Variants in LRP2 observed in about 807,000 individuals in gnomAD.
LRP2 encodes the protein low-density lipoprotein receptor-related protein 2.
LRP2 carries 172 observed loss-of-function variants against 531.0 expected under a neutral mutation model. The observed-to-expected ratio is 0.32, with a 90% CI of 0.29 to 0.37. The LOEUF is 0.37. Among genes scored for constraint, LRP2 ranks in the 10% least tolerant of loss-of-function variants. The pLI is 1.00. For missense variants in LRP2, 5,167 were observed against 5,868.3 expected, an observed-to-expected ratio of 0.88 and a Z score of 3.90; for synonymous variants, 1,992 against 2,027.6, an observed-to-expected ratio of 0.98 and a Z score of 0.47.
chr2:169,304,210 A>G (rs1470629354), intron 4 of LRP2, among the ~76,000 whole-genome samples: 3 of 152,200 alleles, frequency 2.0e-5, no homozygotes, highest in African/African-American at 7.2e-5. Flanking sequence ...GGATAAAGAC[A>G]CAGACTTTTG....
In LRP2 at chr2:169,205,561, T is replaced by C. The variant is rs1333175216; in HGVS notation, c.7633A>G (p.Ile2545Val). The C allele has an allele frequency of 6.2e-7, 1 of 1,613,990 alleles. No individual in the cohort carries two copies. The highest frequency in any genetic ancestry group is 2.2e-5 in the East Asian group (1 of 44,886). Residue 2545 changes from isoleucine (I) to valine (V), a missense_variant, in exon 41 of 79, where the codon ATT becomes GTT. Coordinates refer to ENST00000649046, the MANE Select transcript of LRP2 (RefSeq NM_004525.3). ...GGCATGACCAGACTGCTGTTCACAA[T>C]GGGTACGCGGAAGTTTCCTCCCAAT... ...ATLGGNFRVP[I>V]VNSSLVMPSG...
chr2:169,283,027 T>C (rs1289947686), intron 9 of LRP2, 26 bp from the exon 10 acceptor site: 1 of 1,613,086 alleles, frequency 6.2e-7, no homozygotes, highest in East Asian at 2.2e-5. Flanking sequence ...TACACATTTG[T>C]AGTCAAGGTT....
chr2:169,197,068 C>G, intron 45 of LRP2, 38 bp from the exon 46 acceptor site: 1 of 1,611,216 alleles, frequency 6.2e-7, no homozygotes, highest in South Asian at 1.1e-5. Context: ...ATGAGCAAAA[C>G]ACAAGCATGT....
In LRP2 at chr2:169,244,815, G is replaced by A; in HGVS notation, c.3308C>T (p.Thr1103Ile). The A allele has an allele frequency of 2.5e-6, 4 of 1,614,268 alleles. No homozygotes were observed. The highest frequency in any genetic ancestry group is 3.4e-6 in the Non-Finnish European group (4 of 1,180,054). The change falls in exon 22 of 79, where the codon ACC (threonine) becomes ATC (isoleucine). Residue 1103 changes from threonine (T) to isoleucine (I), a missense_variant. Coordinates refer to ENST00000649046, the MANE Select transcript of LRP2 (RefSeq NM_004525.3). ...VDGSDEHNCP[T>I]HAPASCLDTQ... is the part of the protein sequence containing the mutation. ...GTCAAGGCAGGAAGCAGGTGCGTGGGTGGGGCAGTTGTGCTCATCACTGCC... is the reference window on the plus strand; with the variant it reads ...GTCAAGGCAGGAAGCAGGTGCGTGGATGGGGCAGTTGTGCTCATCACTGCC...
At chr2:169,350,406 A>T (rs1168379409) in intron 1 of LRP2, among the ~76,000 whole-genome samples, 1 of 152,132 alleles carries the variant, frequency 6.6e-6, no homozygotes, top group Non-Finnish European at 1.5e-5. Flanking sequence ...CAGCATGTAC[A>T]TGGTAAAGAA....
intron 1 of LRP2, among the ~76,000 whole-genome samples, chr2:169,347,256 C>T (rs1338966568): frequency 6.6e-6 from 1 of 152,174 alleles, no homozygotes; most frequent in Non-Finnish European, 1.5e-5. Context: ...GAAGAACTGA[C>T]TTTAGTAATG....
At chr2:169,156,228 T>C in intron 65 of LRP2, 46 bp downstream of exon 65, 2 of 1,612,580 alleles carry the variant, frequency 1.2e-6, no homozygotes, top group African/African-American at 1.3e-5. Flanking sequence ...CTTAGCAGTA[T>C]TTATTTCCCC....
rs76613733 is a variant in LRP2 at position 169,282,225 on chromosome 2, G to A, written c.1171+648C>T. ...GACACCAAAGACACTTCAAAATCAA[G>A]TGTTAAATAACTATTGGAAAATAGG... On this transcript the variant is annotated intron_variant, in intron 10 of 78. Coordinates refer to ENST00000649046, the MANE Select transcript of LRP2 (RefSeq NM_004525.3). 6.4e-3 allele frequency among the ~76,000 whole-genome samples: 970 copies of A among 152,296 alleles called. 5 individuals are homozygous for A. Among genetic ancestry groups the A allele is most frequent in the Non-Finnish European group, 0.01 (708 of 68,016 alleles).
chr2:169,274,190 A>G (rs1683493752), intron 14 of LRP2, among the ~76,000 whole-genome samples: 1 of 152,166 alleles, frequency 6.6e-6, no homozygotes, highest in Non-Finnish European at 1.5e-5. Context: ...AGTGTAGTTT[A>G]TGTTTCTTTT....
rs780589887 is a variant in LRP2, at chr2:169,178,042, G to A, written c.10170-16C>T. ...ATCAGAGTACCTGCAGCAGTAAGCAGAAACAGTTATGTGATAAAGGTAATT... is the reference window on the plus strand; with the variant it reads ...ATCAGAGTACCTGCAGCAGTAAGCAAAAACAGTTATGTGATAAAGGTAATT... On this transcript the variant is annotated splice_polypyrimidine_tract_variant and intron_variant, in intron 52 of 78. Coordinates refer to ENST00000649046, the MANE Select transcript of LRP2 (RefSeq NM_004525.3). The A allele has an allele frequency of 3.8e-6, 6 of 1,581,876 alleles. No individual in the cohort carries two copies. Among genetic ancestry groups the A allele is most frequent in the Non-Finnish European group, 5.2e-6 (6 of 1,152,634 alleles).
intron 69 of LRP2, 23 bp from the exon 70 acceptor site, chr2:169,145,946 C>T (rs766254900): frequency 1.2e-6 from 2 of 1,612,624 alleles, no homozygotes; most frequent in Non-Finnish European, 1.7e-6. Context: ...AGGGGAAAAA[C>T]AAAACAGAAG....
chr2:169,135,317 T>C (rs1044936296), intron 76 of LRP2, among the ~76,000 whole-genome samples: 2 of 152,134 alleles, frequency 1.3e-5, no homozygotes, highest in African/African-American at 4.8e-5. Context: ...CAAATTGACT[T>C]TACTCACATG....
intron 3 of LRP2, among the ~76,000 whole-genome samples, chr2:169,310,987 A>G (rs188178235): frequency 6.6e-6 from 1 of 152,294 alleles, no homozygotes; most frequent in East Asian, 1.9e-4. Context: ...GTTGATTTGC[A>G]TAGAGGTTTT....
chr2:169,174,809 C>CTTTTTTTT (rs36105004), intron 55 of LRP2, among the ~76,000 whole-genome samples: 1 of 128,544 alleles, frequency 7.8e-6, no homozygotes. Flanking sequence ...TGTGCTCAGT[C>CTTTTTTTT]TTTTTTTTTT....
At chr2:169,287,679 A>G (rs1683894454) in intron 9 of LRP2, among the ~76,000 whole-genome samples, 1 of 151,518 alleles carries the variant, frequency 6.6e-6, no homozygotes. Context: ...AAAAAAAGAA[A>G]GGCTTTTCTG....
intron 16 of LRP2, among the ~76,000 whole-genome samples, chr2:169,270,478 T>C (rs6706290): frequency 0.85 from 128,542 of 151,694 alleles, 55,013 homozygotes; most frequent in East Asian, 0.97. Context: ...AAATTGGAAA[T>C]CATCATTCTC....
At chr2:169,214,561 T>A (rs2052298) in intron 35 of LRP2, among the ~76,000 whole-genome samples, 61,397 of 152,036 alleles carry the variant, frequency 0.4, 12,705 homozygotes, top group South Asian at 0.71. Flanking sequence ...GTGGCTTTAC[T>A]GCCATGGCTG....
intron 1 of LRP2, among the ~76,000 whole-genome samples, chr2:169,352,825 G>A (rs942521476): frequency 6.6e-6 from 1 of 151,600 alleles, no homozygotes; most frequent in Non-Finnish European, 1.5e-5. Flanking sequence ...CACAGGGGGG[G>A]GAACATCACA....
At chr2:169,275,308 A>T in intron 13 of LRP2, 70 bp from the exon 14 acceptor site, 1 of 1,207,026 alleles carries the variant, frequency 8.3e-7, no homozygotes, top group South Asian at 1.3e-5. Context: ...AGCTGTAGTT[A>T]GTTCAATTAA....
Sources: gnomAD v4.1 joint callset for allele counts (sites outside exome capture counted in the v4.1 genomes callset) on GRCh38, gnomAD v4.1.1 for gene constraint, MANE v1.5 for transcripts, NCBI Gene and HGNC (gene_info 2026-07-23, HGNC 2026-07-21) for gene names.